Variants in FBXL13 observed in about 807,000 individuals in gnomAD.
FBXL13 encodes the protein F-box and leucine rich repeat protein 13, also known as F-box and leucine-rich repeat protein 13.
A neutral mutation model predicts 83.6 loss-of-function variants in FBXL13; 67 were observed. The ratio of observed to expected loss-of-function variants is 0.80; its 90% CI spans 0.66 to 0.98. The LOEUF is 0.98. Among genes scored for constraint, FBXL13 ranks in the 50% least tolerant of loss-of-function variants. The pLI, the probability that FBXL13 is intolerant of heterozygous loss-of-function variation, is 0.00. For missense variants in FBXL13, 822 were observed against 866.5 expected (o/e 0.95, Z 0.64); for synonymous variants, 272 against 299.5 (o/e 0.91, Z 0.95).
At position 102,878,356 on chromosome 7, in the gene FBXL13, C is replaced by T. The variant is rs751465472; in HGVS notation, c.1483G>A (p.Ala495Thr). Reference sequence around the variant, plus strand: ...CGCTCAGATAGTTTCATAACAGAGGCATCACTTAGCCGCACACAGTTGCTT... The same window carrying T: ...CGCTCAGATAGTTTCATAACAGAGGTATCACTTAGCCGCACACAGTTGCTT... The change falls in exon 15 of 20, where the codon GCC (alanine) becomes ACC (threonine). Residue 495 changes from alanine to threonine, a missense_variant. Transcript: ENST00000313221. The T allele has an allele frequency of 6.2e-6, 10 of 1,606,812 alleles. No homozygotes were observed. The highest frequency in any genetic ancestry group is 5.6e-5 in the South Asian group (5 of 89,692).
chr7:102,902,455 A>AT (rs1394967470), intron 11 of FBXL13, among the ~76,000 whole-genome samples: 2 of 152,054 alleles, frequency 1.3e-5, no homozygotes, highest in African/African-American at 2.4e-5. Flanking sequence ...TCATTTGTCC[A>AT]TGTTTGCTTT....
At chr7:102,954,923 A>G (rs1182928416) in intron 8 of FBXL13, among the ~76,000 whole-genome samples, 1 of 152,186 alleles carries the variant, frequency 6.6e-6, no homozygotes, top group African/African-American at 2.4e-5. Context: ...AGAGACTTAG[A>G]CTCCCACACA....
In FBXL13 at chr7:103,053,485, C is replaced by T. The variant is rs185516150; in HGVS notation, c.-1+2159G>A. On this transcript the variant is annotated intron_variant, in intron 2 of 19. Transcript: ENST00000313221. ...TCTGCAGTTTTTAAGTGATTCCCTACGGGCTTCTAGCTGGACACTGGACAC... is the reference window on the plus strand; with the variant it reads ...TCTGCAGTTTTTAAGTGATTCCCTATGGGCTTCTAGCTGGACACTGGACAC... Among the ~76,000 whole-genome samples, 19 of 152,288 alleles carry T rather than the reference C, an allele frequency of 1.2e-4. No homozygotes were observed. In the East Asian group the frequency reaches 2.3e-3, roughly 19 times the overall value.
intron 16 of FBXL13, among the ~76,000 whole-genome samples, chr7:102,872,365 AAAC>A (rs945739189): frequency 6.6e-6 from 1 of 152,330 alleles, no homozygotes; most frequent in South Asian, 2.1e-4. Context: ...GGTTCTGGGA[AAAC>A]AACGTTTCAG....
At chr7:102,848,551 G>A (rs993640929) in intron 17 of FBXL13, among the ~76,000 whole-genome samples, 3 of 7,550 alleles carry the variant, frequency 4.0e-4, no homozygotes, top group Non-Finnish European at 5.6e-4. Flanking sequence ...GCGAGACTCC[G>A]TCTCAAAAAA....
intron 2 of FBXL13, among the ~76,000 whole-genome samples, chr7:103,041,195 C>T (rs1795651570): frequency 6.6e-6 from 1 of 152,170 alleles, no homozygotes; most frequent in Admixed American, 6.5e-5. Context: ...ATACTGTAAA[C>T]ACCTCTATGC....
chr7:102,945,311 G>A (rs990231476), intron 8 of FBXL13, among the ~76,000 whole-genome samples: 39 of 152,272 alleles, frequency 2.6e-4, no homozygotes, highest in Admixed American at 2.3e-3. Flanking sequence ...ATAAACACTC[G>A]TGAATATGGA....
intron 6 of FBXL13, among the ~76,000 whole-genome samples, chr7:102,994,508 G>A (rs1829895968): frequency 6.6e-6 from 1 of 151,988 alleles, no homozygotes; most frequent in Non-Finnish European, 1.5e-5. Context: ...GTAGTTGTCT[G>A]ACTTTGGGGA....
chr7:102,838,168 C>T (rs1169986915), intron 17 of FBXL13, among the ~76,000 whole-genome samples: 2 of 152,176 alleles, frequency 1.3e-5, no homozygotes, highest in Admixed American at 6.5e-5. Flanking sequence ...TCAAATCCTT[C>T]CATGAGATGT....
chr7:102,913,155 GCCTTT>G lies in FBXL13; in HGVS notation c.934_938del (p.Lys312LeufsTer45), dbSNP rs757637799. ...CATTCCCCAAGTTCAGGTACTGTAA[GCCTTT>G]GTCTGTGAACCGTCTGCAATAAGCC... On this transcript the variant is annotated frameshift_variant, in exon 11 of 20. Coordinates refer to ENST00000313221, the Ensembl canonical transcript of FBXL13. LOFTEE classifies it high-confidence loss of function. The G allele has an allele frequency of 5.0e-6, 8 of 1,614,022 alleles. No homozygotes were observed.
intron 1 of FBXL13, among the ~76,000 whole-genome samples, chr7:103,058,576 T>C (rs1459047299): frequency 6.6e-6 from 1 of 152,238 alleles, no homozygotes; most frequent in Non-Finnish European, 1.5e-5. Flanking sequence ...ACTGAGTTTT[T>C]GTATTCCTCA....
At chr7:102,984,573 A>G (rs928447437) in intron 6 of FBXL13, among the ~76,000 whole-genome samples, 6 of 152,236 alleles carry the variant, frequency 3.9e-5, no homozygotes, top group African/African-American at 1.4e-4. Flanking sequence ...AAGGCAGTTC[A>G]TTCATTCTTG....
chr7:102,898,482 A>G (rs1584833257), intron 11 of FBXL13, among the ~76,000 whole-genome samples: 1 of 152,220 alleles, frequency 6.6e-6, no homozygotes, highest in East Asian at 1.9e-4. Context: ...TTGTAGAGAC[A>G]GGGTCTCCCC....
intron 6 of FBXL13, among the ~76,000 whole-genome samples, chr7:102,983,411 T>C (rs990258488): frequency 6.9e-6 from 1 of 145,922 alleles, no homozygotes; most frequent in East Asian, 2.2e-4. Context: ...ATTCTGGTTT[T>C]CTTTTTTCCC....
chr7:102,867,334 A>G (rs1246975323), intron 16 of FBXL13, among the ~76,000 whole-genome samples: 1 of 152,110 alleles, frequency 6.6e-6, no homozygotes, highest in Non-Finnish European at 1.5e-5. Context: ...CTCTGGACTA[A>G]GTGACACAGA....
rs569228444 is a variant in FBXL13, at chr7:102,984,236, C to G, written c.496-16119G>C. Reference sequence around the variant, plus strand: ...AATTCTAGGAACCTAAAAACCAATTCTAAAAACTCATCCTTAAAATTCTGT... The same window carrying G: ...AATTCTAGGAACCTAAAAACCAATTGTAAAAACTCATCCTTAAAATTCTGT... On this transcript the variant is annotated intron_variant, in intron 6 of 19. Transcript: ENST00000313221. Among the ~76,000 whole-genome samples the G allele has an allele frequency of 4.4e-4, 67 of 152,242 alleles. No homozygotes were observed. In the South Asian group the frequency reaches 0.013, roughly 30 times the overall value.
intron 8 of FBXL13, among the ~76,000 whole-genome samples, chr7:102,955,539 G>A (rs1824110694): frequency 6.7e-6 from 1 of 149,866 alleles, no homozygotes; most frequent in Non-Finnish European, 1.5e-5. Flanking sequence ...TAAGATCAGA[G>A]CAGAACTGAA....
intron 8 of FBXL13, among the ~76,000 whole-genome samples, chr7:102,962,825 A>G (rs1585151455): frequency 1.5e-5 from 2 of 134,090 alleles, no homozygotes; most frequent in African/African-American, 2.9e-5. Context: ...CACTCTGGGG[A>G]CTGTTGTGGG....
intron 6 of FBXL13, among the ~76,000 whole-genome samples, chr7:103,001,842 C>T (rs187464839): frequency 6.6e-4 from 101 of 152,290 alleles, no homozygotes; most frequent in African/African-American, 2.3e-3. Context: ...AGTTCTGAGG[C>T]TTTTGGACTT....
Sources: gnomAD v4.1 joint callset for allele counts (sites outside exome capture counted in the v4.1 genomes callset) on GRCh38, gnomAD v4.1.1 for gene constraint, MANE v1.5 for transcripts, NCBI Gene and HGNC (gene_info 2026-07-23, HGNC 2026-07-21) for gene names.